EPHA3: variants seen among roughly 807,000 people sequenced by gnomAD.
The protein encoded by EPHA3 is EPH receptor A3, also known as ephrin type-A receptor 3.
Under a neutral mutation model 107.1 loss-of-function variants are expected in EPHA3, and 42 were observed. The observed-to-expected ratio is 0.39, with a 90% CI of 0.31 to 0.51. EPHA3 has a LOEUF of 0.51. Ranked by LOEUF, EPHA3 falls within the 20% of genes least tolerant of loss-of-function variation. The pLI is 0.78. For synonymous variants in EPHA3, 461 were observed against 424.8 expected (o/e 1.09, Z -1.05); for missense variants, 1,183 against 1,211.2 (o/e 0.98, Z 0.35).
rs186746038 is a variant in EPHA3, at chr3:89,481,402, T to A, written c.*1900T>A. 2 of 232,172 alleles carry A rather than the reference T, an allele frequency of 8.6e-6. No individual in the cohort carries two copies. The highest frequency in any genetic ancestry group is 4.4e-5 in the African/African-American group (2 of 45,318). The allele number at this position is 232,172 out of a possible 1,614,324, so 14.4% of individuals were successfully genotyped here. A position where few individuals can be genotyped will look rare whatever the true frequency, so the allele number is the denominator to read the frequency against. ...TAAAATTAATCACAAATTTCACTTA[T>A]ACCTGCTATCAGCAGCTAGAAAACA... On this transcript the variant is annotated 3_prime_UTR_variant, in exon 17 of 17. Coordinates refer to ENST00000336596, the MANE Select transcript of EPHA3 (RefSeq NM_005233.6).
intron 5 of EPHA3, among the ~76,000 whole-genome samples, chr3:89,345,621 T>C (rs1285219142): frequency 4.1e-5 from 6 of 146,924 alleles, no homozygotes; most frequent in Admixed American, 3.4e-4. Context: ...TTTTTTTTCT[T>C]TTTTTTTTTT....
intron 11 of EPHA3, among the ~76,000 whole-genome samples, chr3:89,424,627 T>A (rs1226737128): frequency 6.6e-6 from 1 of 151,362 alleles, no homozygotes; most frequent in Non-Finnish European, 1.5e-5. Context: ...ATCCTGTTTT[T>A]TGTTAAATAA....
intron 3 of EPHA3, among the ~76,000 whole-genome samples, chr3:89,270,861 TA>T (rs1270154880): frequency 7.9e-5 from 12 of 152,240 alleles, no homozygotes; most frequent in Middle Eastern, 6.8e-3. Flanking sequence ...AAAAAGTTAT[TA>T]AGAAAATCAT....
intron 2 of EPHA3, among the ~76,000 whole-genome samples, chr3:89,157,329 G>A (rs1011023020): frequency 1.3e-5 from 2 of 151,832 alleles, no homozygotes; most frequent in African/African-American, 4.8e-5. Flanking sequence ...TAATTTTCTA[G>A]GATCGCCAAA....
At chr3:89,340,214 A>C (rs1707486440) in intron 3 of EPHA3, among the ~76,000 whole-genome samples, 1 of 152,230 alleles carries the variant, frequency 6.6e-6, no homozygotes, top group Non-Finnish European at 1.5e-5. Flanking sequence ...GAAATTAAAA[A>C]GATAACACAG....
chr3:89,282,892 A>C (rs1705983659), intron 3 of EPHA3, among the ~76,000 whole-genome samples: 1 of 152,168 alleles, frequency 6.6e-6, no homozygotes, highest in Non-Finnish European at 1.5e-5. Context: ...TAACTGAAAC[A>C]TGAATAATAG....
In EPHA3 at chr3:89,145,300, A is replaced by G. The variant is rs575288916; in HGVS notation, c.153+18027A>G. 6.1e-5 allele frequency among the ~76,000 whole-genome samples: 9 copies of G among 147,104 alleles called. No homozygotes were observed. The South Asian group carries it at 1.9e-3, about 32-fold the overall frequency. On this transcript the variant is annotated intron_variant, in intron 2 of 16. Transcript: ENST00000336596. ...AAACAGACACACACACACACACATA[A>G]TAGTGTATTTACCTTTATATAGAGA...
chr3:89,406,205 T>G (rs1709051875), intron 7 of EPHA3, among the ~76,000 whole-genome samples: 1 of 152,142 alleles, frequency 6.6e-6, no homozygotes, highest in South Asian at 2.1e-4. Context: ...TATTTTATAT[T>G]TATGGTCTAG....
rs71621535 is a variant in EPHA3, at chr3:89,204,608, A to ATGTGTGTGTGTGTG, written c.154-5236_154-5223dup. On this transcript the variant is annotated intron_variant, in intron 2 of 16. Transcript: ENST00000336596. ...TTTAGAAATATATATCTGTGTGTAA[A>ATGTGTGTGTGTGTG]TGTGTGTGTGTGTGTGTGTGTGTGT... is the stretch of plus-strand genomic sequence containing the variant. Among the ~76,000 whole-genome samples the ATGTGTGTGTGTGTG allele has an allele frequency of 3.3e-3, 487 of 148,762 alleles. 2 individuals are homozygous for ATGTGTGTGTGTGTG. Among genetic ancestry groups the ATGTGTGTGTGTGTG allele is most frequent in the Middle Eastern group, 0.01 (3 of 292 alleles).
At chr3:89,319,935 T>C (rs1410131141) in intron 3 of EPHA3, among the ~76,000 whole-genome samples, 1 of 151,950 alleles carries the variant, frequency 6.6e-6, no homozygotes, top group Non-Finnish European at 1.5e-5. Context: ...TTTTATATAA[T>C]GCTATATACA....
At chr3:89,401,911 A>G (rs989896153) in intron 7 of EPHA3, among the ~76,000 whole-genome samples, 6 of 152,190 alleles carry the variant, frequency 3.9e-5, no homozygotes, top group African/African-American at 1.4e-4. Flanking sequence ...AATAACAGCA[A>G]TAACAAAATC....
chr3:89,111,425 G>A (rs1033843649), intron 1 of EPHA3, among the ~76,000 whole-genome samples: 36 of 151,772 alleles, frequency 2.4e-4, no homozygotes, highest in African/African-American at 8.5e-4. Flanking sequence ...GCTTTTCATA[G>A]CATTTCATCA....
chr3:89,289,161 G>A (rs920240248), intron 3 of EPHA3, among the ~76,000 whole-genome samples: 1 of 152,140 alleles, frequency 6.6e-6, no homozygotes, highest in African/African-American at 2.4e-5. Flanking sequence ...CACAGAGCTA[G>A]AAAGCAATCT....
At chr3:89,396,153 T>G (rs2107504502) in intron 6 of EPHA3, among the ~76,000 whole-genome samples, 192 bp downstream of exon 6, 1 of 152,348 alleles carries the variant, frequency 6.6e-6, no homozygotes, top group Middle Eastern at 3.4e-3. Flanking sequence ...CCCCCTATTC[T>G]ACAGCAATAA....
chr3:89,219,705 T>TTG (rs1559606380), intron 3 of EPHA3, among the ~76,000 whole-genome samples: 5 of 23,310 alleles, frequency 2.1e-4, no homozygotes, highest in Non-Finnish European at 4.9e-4. Flanking sequence ...TTTTTTTTGT[T>TTG]TTTTGTTTTT....
intron 9 of EPHA3, among the ~76,000 whole-genome samples, chr3:89,410,747 T>C (rs1040961270): frequency 2.6e-5 from 4 of 151,948 alleles, no homozygotes; most frequent in African/African-American, 4.8e-5. Flanking sequence ...ATTTTAGTAA[T>C]GGTTACTTAC....
intron 2 of EPHA3, among the ~76,000 whole-genome samples, chr3:89,160,585 TGTGTGC>T (rs941071619): frequency 1.7e-4 from 22 of 131,184 alleles, no homozygotes; most frequent in African/African-American, 6.7e-4. Context: ...TGTGTGTGTG[TGTGTGC>T]GCGCATTCTT....
chr3:89,200,881 C>A (rs1023065034), intron 2 of EPHA3, among the ~76,000 whole-genome samples: 1 of 152,034 alleles, frequency 6.6e-6, no homozygotes, highest in African/African-American at 2.4e-5. Context: ...TCTGTGTGAG[C>A]GTGCCCTTCA....
At position 89,361,885 on chromosome 3, in the gene EPHA3, A is replaced by T. The variant is rs140775657; in HGVS notation, c.1306+19795A>T. Among the ~76,000 whole-genome samples the T allele has an allele frequency of 2.5e-3, 377 of 151,300 alleles. 11 individuals carry two copies. The highest frequency in any genetic ancestry group is 5.2e-3 in the Admixed American group (79 of 15,116). On this transcript the variant is annotated intron_variant, in intron 5 of 16. Coordinates refer to ENST00000336596, the MANE Select transcript of EPHA3 (RefSeq NM_005233.6). ...CCCTAATAAGAGGTATCTGAGTCTA[A>T]CATAGAATTGCTACACTTGTGCTGT...
Sources: gnomAD v4.1 joint callset for allele counts (sites outside exome capture counted in the v4.1 genomes callset) on GRCh38, gnomAD v4.1.1 for gene constraint, MANE v1.5 for transcripts, NCBI Gene and HGNC (gene_info 2026-07-23, HGNC 2026-07-21) for gene names.